The following TUB variants were observed in gnomAD, a reference collection of about 807,000 sequenced individuals.
TUB encodes the protein TUB bipartite transcription factor, also known as tubby protein homolog.
In TUB, 33 loss-of-function variants were observed where a neutral mutation model predicts 59.7. That is an observed-to-expected ratio of 0.55 (90% CI 0.42 to 0.74). The LOEUF is 0.74. TUB is among the 30% of genes least tolerant of loss of function. TUB has a pLI of 0.00. For missense variants in TUB, 659 were observed against 672.0 expected, an observed-to-expected ratio of 0.98 and a Z score of 0.21; for synonymous variants, 293 against 256.4, an observed-to-expected ratio of 1.14 and a Z score of -1.36.
chr11:8,087,657 G>A (rs538701424), intron 1 of TUB, among the ~76,000 whole-genome samples: 1 of 152,376 alleles, frequency 6.6e-6, no homozygotes, highest in African/African-American at 2.4e-5. Context: ...TATGCACTGT[G>A]CGTGTGGCTG....
rs375740232 is a variant in TUB at position 8,050,643 on chromosome 11, C to T, written c.203+10951C>T. ...CACCCACTCCTGGTAATCCTTAATT[C>T]ATTTTTTTTAAAAAAGTGAATAAGG... On this transcript the variant is annotated intron_variant, in intron 2 of 12. Coordinates refer to the TUB transcript ENST00000305253. Among the ~76,000 whole-genome samples, 50 of 152,190 alleles carry T rather than the reference C, an allele frequency of 3.3e-4. 1 individual carries two copies. The East Asian group carries it at 6.8e-3, about 21-fold the overall frequency.
chr11:8,065,405 C>T (rs1470291111), intron 2 of TUB, among the ~76,000 whole-genome samples: 3 of 152,148 alleles, frequency 2.0e-5, no homozygotes, highest in Non-Finnish European at 1.5e-5. Flanking sequence ...GAAGTGGTTT[C>T]GTGTGAGTCT....
exon 1 of TUB, chr11:8,039,008 A>G (rs758967476): frequency 6.2e-7 from 1 of 1,613,490 alleles, no homozygotes; most frequent in Non-Finnish European, 8.5e-7. Flanking sequence ...GGCCCCTGAA[A>G]CGGGGCCACC....
intron 6 of TUB, 100 bp from the exon 7 acceptor site, chr11:8,097,128 T>C: frequency 7.4e-7 from 1 of 1,351,862 alleles, no homozygotes; most frequent in East Asian, 2.4e-5. Flanking sequence ...TCCTTCCCTC[T>C]CTCCCACCGC....
chr11:8,032,160 C>CCTGGGG (rs1942583482), intron 1 of TUB, among the ~76,000 whole-genome samples: 1 of 152,098 alleles, frequency 6.6e-6, no homozygotes, highest in Admixed American at 6.5e-5. Flanking sequence ...GCCGGGAGCG[C>CCTGGGG]AGGAGTGAGA....
At chr11:8,051,613 C>A (rs1414916680) in intron 2 of TUB, among the ~76,000 whole-genome samples, 2 of 152,222 alleles carry the variant, frequency 1.3e-5, no homozygotes, top group Non-Finnish European at 2.9e-5. Context: ...CGCACAGTAT[C>A]TGAAGGGCCA....
upstream of TUB, among the ~76,000 whole-genome samples, chr11:8,078,244 C>T (rs1236821261): frequency 6.6e-6 from 1 of 152,066 alleles, no homozygotes; most frequent in African/African-American, 2.4e-5. Context: ...ATTTCATCAC[C>T]ACGTTTGAAA....
intron 2 of TUB, among the ~76,000 whole-genome samples, chr11:8,047,355 T>G (rs1942851256): frequency 6.6e-6 from 1 of 152,176 alleles, no homozygotes; most frequent in Admixed American, 6.5e-5. Context: ...CTTAGTAAAT[T>G]TATATCAATC....
rs1438279231 is a variant in TUB, at chr11:8,104,521, G to A, written c.*2902G>A. 2 of 152,244 alleles carry A rather than the reference G, an allele frequency of 1.3e-5. No individual in the cohort carries two copies. Among genetic ancestry groups the A allele is most frequent in the Non-Finnish European group, 2.9e-5 (2 of 68,048 alleles). The allele number at this position is 152,244 out of a possible 1,614,324, so 9.4% of individuals were successfully genotyped here. On this transcript the variant is annotated 3_prime_UTR_variant, in exon 12 of 12. Transcript: ENST00000299506. ...TAATTGTGATTATATTCCTGAGAAT[G>A]AATGAGTAGGAAAGGAATAAGGATG...
chr11:8,019,895 C>A (rs1013919403), intron 1 of TUB, among the ~76,000 whole-genome samples: 1 of 152,122 alleles, frequency 6.6e-6, no homozygotes, highest in Non-Finnish European at 1.5e-5. Context: ...GCAGCCTGGG[C>A]CGGCTGTCTG....
intron 1 of TUB, among the ~76,000 whole-genome samples, chr11:8,019,816 G>T (rs1942393939): frequency 6.6e-6 from 1 of 151,970 alleles, no homozygotes; most frequent in African/African-American, 2.4e-5. Context: ...ACCGAGGCTG[G>T]CCCCGGGCGG....
intron 11 of TUB, 21 bp downstream of exon 11, chr11:8,101,018 T>C (rs1449926309): frequency 6.2e-7 from 1 of 1,613,814 alleles, no homozygotes; most frequent in South Asian, 1.1e-5. Context: ...CTGTCCCTAC[T>C]CATTATGGTC....
intron 1 of TUB, among the ~76,000 whole-genome samples, chr11:8,026,712 T>C (rs1466190939): frequency 2.0e-5 from 3 of 152,186 alleles, no homozygotes; most frequent in East Asian, 1.9e-4. Context: ...TTTTACAAAG[T>C]TGTTTTGACT....
rs566594158 is a variant in TUB, at chr11:8,104,657, A to G, written c.*3038A>G. ...TCAGGGTTCTGAGTCAGAGGACACC[A>G]TCCAAGAATGTTGTTAGCTTTTCAG... On this transcript the variant is annotated 3_prime_UTR_variant, in exon 12 of 12. Transcript: ENST00000299506. The G allele has an allele frequency of 6.6e-6, 1 of 152,114 alleles. No individual in the cohort carries two copies. Among genetic ancestry groups the G allele is most frequent in the East Asian group, 1.9e-4 (1 of 5,188 alleles). The allele number at this position is 152,114 out of a possible 1,614,324, so 9.4% of individuals were successfully genotyped here.
intron 2 of TUB, among the ~76,000 whole-genome samples, chr11:8,053,526 A>G (rs925940493): frequency 2.6e-5 from 4 of 151,708 alleles, no homozygotes; most frequent in African/African-American, 9.7e-5. Flanking sequence ...TTTGAGACAG[A>G]GTCTCGCTCT....
At chr11:8,054,445 G>GGAGAGA (rs139244652) in intron 2 of TUB, among the ~76,000 whole-genome samples, 35 of 150,204 alleles carry the variant, frequency 2.3e-4, no homozygotes, top group African/African-American at 7.1e-4. Context: ...GGCAAGGGCT[G>GGAGAGA]GAGAGAGAGA....
At chr11:8,019,565 G>A (rs1564893184) in intron 1 of TUB, among the ~76,000 whole-genome samples, 1 of 152,118 alleles carries the variant, frequency 6.6e-6, no homozygotes. Context: ...ACACCCACGG[G>A]GCAGAGCTGT....
At chr11:8,065,705 C>T (rs1943226512) in intron 2 of TUB, among the ~76,000 whole-genome samples, 2 of 152,100 alleles carry the variant, frequency 1.3e-5, no homozygotes, top group African/African-American at 4.8e-5. Flanking sequence ...CTCTGGTAAG[C>T]CTAGGAGCAG....
chr11:8,019,377 G>A, intron 1 of TUB: 4 of 1,241,474 alleles, frequency 3.2e-6, no homozygotes, highest in Non-Finnish European at 4.0e-6. Context: ...CCCGAAGGGT[G>A]GCCCTGCGTG....
Sources: gnomAD v4.1 joint callset for allele counts (sites outside exome capture counted in the v4.1 genomes callset) on GRCh38, gnomAD v4.1.1 for gene constraint, MANE v1.5 for transcripts, NCBI Gene and HGNC (gene_info 2026-07-23, HGNC 2026-07-21) for gene names.